Variants in ZAN observed in about 807,000 individuals in gnomAD.
ZAN encodes zonadhesin (gene/pseudogene).
In ZAN, 260 loss-of-function variants were observed where a neutral mutation model predicts 286.2. That is an observed-to-expected ratio of 0.91 (90% CI 0.82 to 1.01). The LOEUF is 1.01. Among genes scored for constraint, ZAN ranks in the 50% least tolerant of loss-of-function variants. The probability of loss-of-function intolerance (pLI) is 0.00; values close to 1 mark genes in which losing one functional copy is unlikely to be tolerated. For missense variants in ZAN, 3,410 were observed against 3,639.2 expected, an observed-to-expected ratio of 0.94 and a Z score of 1.62; for synonymous variants, 1,368 against 1,417.5, an observed-to-expected ratio of 0.97 and a Z score of 0.79.
At position 100,745,553 on chromosome 7, in the gene ZAN, G is replaced by A. The variant is rs766177423; in HGVS notation, c.767-985G>A. 5.9e-5 allele frequency among the ~76,000 whole-genome samples: 9 copies of A among 151,510 alleles called. 1 individual carries two copies. Among genetic ancestry groups the A allele is most frequent in the African/African-American group, 9.7e-5 (4 of 41,098 alleles). On this transcript the variant is annotated intron_variant, in intron 7 of 47. Coordinates refer to ENST00000613979, the MANE Select transcript of ZAN (RefSeq NM_003386.3). ...CTGTGTCAGAGCCGCTGTATCTCTC[G>A]CCAGTTTGCGTGAATAGGTTATGTC... is the stretch of plus-strand genomic sequence containing the variant.
chr7:100,734,348 G>A lies in ZAN; in HGVS notation c.53+127G>A, dbSNP rs1159047421. ...AAAGATCTGGAGAGAGGCCAGGCAC[G>A]GTGGCTCACGCCTGTAATCCCAGCA... On this transcript the variant is annotated intron_variant, in intron 2 of 47. Transcript: ENST00000613979. 25 of 636,838 alleles carry A rather than the reference G, an allele frequency of 3.9e-5. 4 individuals carry two copies. Among genetic ancestry groups the A allele is most frequent in the Admixed American group, 7.2e-5 (2 of 27,964 alleles). 39.4% of individuals were successfully genotyped at this position (636,838 alleles called of 1,614,324 possible).
At chr7:100,787,253 G>GCCC (rs148864554) in intron 37 of ZAN, among the ~76,000 whole-genome samples, 9,013 of 150,174 alleles carry the variant, frequency 0.06, 853 homozygotes, top group African/African-American at 0.2. Flanking sequence ...ATGTAGTGTG[G>GCCC]CCATTTCTAA....
chr7:100,751,046 G>A (rs568014116), intron 12 of ZAN, 136 bp from the exon 13 acceptor site: 63 of 1,374,364 alleles, frequency 4.6e-5, no homozygotes, highest in African/African-American at 7.3e-5. Context: ...GAAAGGGGCC[G>A]GGATGGGGCT....
chr7:100,766,678 G>A lies in ZAN; in HGVS notation c.4612+12G>A. 6.4e-7 allele frequency: 1 copy of A among 1,563,036 alleles called. No individual in the cohort carries two copies. The highest frequency in any genetic ancestry group is 8.7e-7 in the Non-Finnish European group (1 of 1,153,240). On this transcript the variant is annotated intron_variant, in intron 24 of 47. Coordinates refer to ENST00000613979, the MANE Select transcript of ZAN (RefSeq NM_003386.3). ...CTGCCATGCCCAAGGTGAGCCATCA[G>A]GGTGGAAGGTGAGCTGGGGGCTGCC...
intron 36 of ZAN, among the ~76,000 whole-genome samples, chr7:100,785,718 G>C (rs3888105): frequency 2.6e-5 from 4 of 151,108 alleles, no homozygotes. Context: ...GAATGCAGTG[G>C]TGCGATCTTG....
At chr7:100,783,140 T>G (rs548421110) in intron 35 of ZAN, among the ~76,000 whole-genome samples, 1 of 152,088 alleles carries the variant, frequency 6.6e-6, no homozygotes, top group South Asian at 2.1e-4. Flanking sequence ...TGCTAGTATG[T>G]GCCTGTAATC....
At position 100,763,962 on chromosome 7, in the gene ZAN, C is replaced by T. The variant is rs1324281164; in HGVS notation, c.4097+46C>T. The T allele has an allele frequency of 6.2e-7, 1 of 1,613,760 alleles. No homozygotes were observed. Among genetic ancestry groups the T allele is most frequent in the South Asian group, 1.1e-5 (1 of 91,080 alleles). On this transcript the variant is annotated intron_variant, in intron 21 of 47. Transcript: ENST00000613979. This position sits in a 1 kb window ranked among gnomAD's most constrained non-coding sequence, Gnocchi z 4.6. ...GGTCGCACAGGGGCGATGCTTGGCACCTGGGCTCCTCCAAGGCTCTACCCC... is the reference window on the plus strand; with the variant it reads ...GGTCGCACAGGGGCGATGCTTGGCATCTGGGCTCCTCCAAGGCTCTACCCC...
intron 39 of ZAN, among the ~76,000 whole-genome samples, chr7:100,790,164 C>T (rs772799234): frequency 9.9e-5 from 15 of 151,596 alleles, no homozygotes; most frequent in Non-Finnish European, 1.8e-4. Context: ...CTGGAAAGGC[C>T]GAGGAGAGAG....
In ZAN at chr7:100,763,649, C is replaced by T. The variant is rs41280992; in HGVS notation, c.3987-157C>T. ...TCCCTGCCTCGGCCTCCCACAGTGC[C>T]TGGCCAGGGCTCAGTGGTCAAACAT... is the stretch of plus-strand genomic sequence containing the variant. On this transcript the variant is annotated intron_variant, in intron 20 of 47. Coordinates refer to ENST00000613979, the MANE Select transcript of ZAN (RefSeq NM_003386.3). This position sits in a 1 kb window ranked among gnomAD's most constrained non-coding sequence, Gnocchi z 4.6. Among the ~76,000 whole-genome samples the T allele has an allele frequency of 0.06, 9,189 of 152,342 alleles. 600 individuals are homozygous for T. Among genetic ancestry groups the T allele is most frequent in the African/African-American group, 0.16 (6,775 of 41,576 alleles).
Position 100,735,445 on chromosome 7 carries a change from T to A in ZAN, c.54-275T>A, listed in dbSNP as rs1207609668. Among the ~76,000 whole-genome samples, 2 of 135,176 alleles carry A rather than the reference T, an allele frequency of 1.5e-5. 1 individual carries two copies. The allele number at this position is 135,176 out of a possible 152,430, so 88.7% of individuals were successfully genotyped here. ...AGCTGGGCGTGGTGGCATGCTCCTG[T>A]AGTCCCAGCTACTGGGGAGGTTGAG... is the stretch of plus-strand genomic sequence containing the variant. On this transcript the variant is annotated intron_variant, in intron 2 of 47. Transcript: ENST00000613979.
chr7:100,734,628 A>C lies in ZAN; in HGVS notation c.53+407A>C, dbSNP rs374514484. Reference sequence around the variant, plus strand: ...AGCGAGACTCCGTCTCAAAAAAAAAAAAACAAAAAAAAAGACCTTGAGAGG... The same window carrying C: ...AGCGAGACTCCGTCTCAAAAAAAAACAAACAAAAAAAAAGACCTTGAGAGG... On this transcript the variant is annotated intron_variant, in intron 2 of 47. Coordinates refer to ENST00000613979, the MANE Select transcript of ZAN (RefSeq NM_003386.3). Among the ~76,000 whole-genome samples the C allele has an allele frequency of 5.0e-5, 7 of 139,120 alleles. 1 individual carries two copies. Among genetic ancestry groups the C allele is most frequent in the African/African-American group, 1.6e-4 (6 of 38,076 alleles). 91.3% of individuals were successfully genotyped at this position (139,120 alleles called of 152,430 possible).
Position 100,771,837 on chromosome 7 carries a change from C to T in ZAN, c.5249-7C>T. ...CCCTGGCTCATCTGCCTTCTCTCTT[C>T]CTGCAGGACCCTTCTCTCAATGTCA... On this transcript the variant is annotated splice_polypyrimidine_tract_variant and splice_region_variant and intron_variant, in intron 28 of 47. Coordinates refer to ENST00000613979, the MANE Select transcript of ZAN (RefSeq NM_003386.3). 2 of 1,603,974 alleles carry T rather than the reference C, an allele frequency of 1.2e-6. No individual in the cohort carries two copies. Among genetic ancestry groups the T allele is most frequent in the Non-Finnish European group, 1.7e-6 (2 of 1,172,924 alleles).
intron 19 of ZAN, among the ~76,000 whole-genome samples, chr7:100,761,275 G>A (rs955971217): frequency 2.0e-5 from 3 of 152,144 alleles, no homozygotes; most frequent in Non-Finnish European, 4.4e-5. Context: ...AGGCTGAGAC[G>A]GGAGAATCCC....
intron 7 of ZAN, among the ~76,000 whole-genome samples, chr7:100,743,391 T>C (rs1051809164): frequency 6.6e-6 from 1 of 152,036 alleles, no homozygotes; most frequent in Non-Finnish European, 1.5e-5. Flanking sequence ...TGCACTCAGC[T>C]GAGCTTCTTT....
chr7:100,781,357 C>T (rs1811184066), intron 35 of ZAN, among the ~76,000 whole-genome samples: 1 of 152,170 alleles, frequency 6.6e-6, no homozygotes, highest in African/African-American at 2.4e-5. Context: ...TGAGACATCT[C>T]AACCGGCCAA....
At chr7:100,768,569 G>T in intron 26 of ZAN, 41 bp from the exon 27 acceptor site, 1 of 1,532,902 alleles carries the variant, frequency 6.5e-7, no homozygotes, top group South Asian at 1.2e-5. Context: ...TGGCCTGCTG[G>T]GGGGCCCCTT....
At position 100,773,785 on chromosome 7, in the gene ZAN, A is replaced by ACAT. The variant is rs746194040; in HGVS notation, c.5702_5704dup (p.Ile1901dup). On this transcript the variant is annotated inframe_insertion, in exon 31 of 48. Coordinates refer to ENST00000613979, the MANE Select transcript of ZAN (RefSeq NM_003386.3). The stretch of plus-strand genomic sequence containing the variant: ...CTCTGCACCTGCTCCGTCCACAACA[A>ACAT]CATCACCTGCTTCCAGAGCACCTGC... 1.2e-6 allele frequency: 2 copies of ACAT among 1,612,524 alleles called. No individual in the cohort carries two copies. The highest frequency in any genetic ancestry group is 2.2e-5 in the South Asian group (2 of 90,710).
intron 22 of ZAN, among the ~76,000 whole-genome samples, chr7:100,764,504 A>G (rs990583328): frequency 2.9e-5 from 4 of 136,930 alleles, no homozygotes; most frequent in African/African-American, 1.1e-4. Flanking sequence ...CAAAAAATAA[A>G]ATAAAATAAA....
rs375316566 is a variant in ZAN, at chr7:100,748,410, C to T, written c.1189C>T (p.Leu397Phe). The T allele has an allele frequency of 9.4e-5, 152 of 1,613,852 alleles. No homozygotes were observed. Among genetic ancestry groups the T allele is most frequent in the Non-Finnish European group, 1.2e-4 (144 of 1,179,892 alleles). ...TTCCGGGGATGGTGGACACTGGGCCCTCGGACATAAAAATGGACCCGTCCA... is the reference window on the plus strand; with the variant it reads ...TTCCGGGGATGGTGGACACTGGGCCTTCGGACATAAAAATGGACCCGTCCA... ...QTSGDGGHWA[L>F]GHKNGPVHGM... The change falls in exon 11 of 48, where the codon CTC becomes TTC. Residue 397 changes from leucine to phenylalanine, a missense_variant. Physicochemically the swap from Leu to Phe is conservative, Grantham distance 22. Around this residue, in one of 7 missense-constraint regions of ZAN, gnomAD observed 872 missense variants for 938.9 expected, o/e 0.93. Transcript: ENST00000613979.
Sources: gnomAD v4.1 joint callset for allele counts (sites outside exome capture counted in the v4.1 genomes callset) on GRCh38, gnomAD v4.1.1 for gene constraint, gnomAD v4.1.1 regional missense constraint, Gnocchi (gnomAD v3.1) non-coding constraint, MANE v1.5 for transcripts, NCBI Gene and HGNC (gene_info 2026-07-23, HGNC 2026-07-21) for gene names.